Variants in NSMCE1 observed in about 807,000 individuals in gnomAD.
NSMCE1 encodes the protein NSE1 component of SMC5/6 complex.
Under a neutral mutation model 29.6 loss-of-function variants are expected in NSMCE1, and 18 were observed. The ratio of observed to expected loss-of-function variants is 0.61; its 90% CI spans 0.42 to 0.90. The LOEUF (loss-of-function observed/expected upper bound fraction) is 0.90. NSMCE1 is among the 40% of genes least tolerant of loss of function. NSMCE1 has a pLI of 0.00. For synonymous variants in NSMCE1, 124 were observed against 133.4 expected, an observed-to-expected ratio of 0.93 and a Z score of 0.49; for missense variants, 314 against 343.6, an observed-to-expected ratio of 0.91 and a Z score of 0.68.
intron 2 of NSMCE1, among the ~76,000 whole-genome samples, chr16:27,240,667 A>C (rs1192446150): frequency 6.6e-6 from 1 of 152,258 alleles, no homozygotes; most frequent in Non-Finnish European, 1.5e-5. Flanking sequence ...GCAAGTGACA[A>C]GCACTGAACA....
intron 1 of NSMCE1, among the ~76,000 whole-genome samples, chr16:27,265,337 T>A (rs1291735469): frequency 6.6e-6 from 1 of 151,762 alleles, no homozygotes; most frequent in Non-Finnish European, 1.5e-5. Context: ...CCCGGCTAAT[T>A]TCTGTATTTT....
chr16:27,265,558 T>C (rs562578129), intron 1 of NSMCE1, among the ~76,000 whole-genome samples: 2 of 152,196 alleles, frequency 1.3e-5, no homozygotes, highest in Non-Finnish European at 2.9e-5. Flanking sequence ...GTATATACCT[T>C]ACAGAAACTT....
In NSMCE1 at chr16:27,252,813, G is replaced by A. The variant is rs543324202; in HGVS notation, c.136+4622C>T. On this transcript the variant is annotated intron_variant, in intron 2 of 7. Transcript: ENST00000361439. ...TCACGCCTGTAGTCCCAGCTACTCA[G>A]GCGGCTGAGGCAGGAGAATCGCTTG... 2.9e-4 allele frequency among the ~76,000 whole-genome samples: 44 copies of A among 152,304 alleles called. 1 individual carries two copies. The highest frequency in any genetic ancestry group is 1.1e-3 in the African/African-American group (44 of 41,564).
intron 4 of NSMCE1, chr16:27,233,888 C>T (rs957276859): frequency 2.9e-6 from 1 of 349,138 alleles, no homozygotes; most frequent in Non-Finnish European, 5.2e-6. Flanking sequence ...CCAGATGGCA[C>T]TTGGAGCAGC....
chr16:27,233,488 C>T (rs987642781), intron 4 of NSMCE1, among the ~76,000 whole-genome samples: 5 of 152,082 alleles, frequency 3.3e-5, no homozygotes, highest in African/African-American at 9.7e-5. Flanking sequence ...CCTGCACACG[C>T]AGGTGTGTGC....
intron 7 of NSMCE1, among the ~76,000 whole-genome samples, 187 bp from the exon 8 acceptor site, chr16:27,225,423 G>A (rs1252975450): frequency 6.6e-6 from 1 of 152,230 alleles, no homozygotes; most frequent in Non-Finnish European, 1.5e-5. Context: ...GGAACAAACT[G>A]AGGGAGCTGT....
At position 27,225,050 on chromosome 16, in the gene NSMCE1, G is replaced by GA; in HGVS notation, c.*106dup. On this transcript the variant is annotated 3_prime_UTR_variant, in exon 8 of 8. Coordinates refer to ENST00000361439, the MANE Select transcript of NSMCE1 (RefSeq NM_145080.4). ...AGCTGTGGACGGTGAACATTAAGAC[G>GA]AAAGAGGTGACTCGCGTGGAACCTG... 2 of 684,014 alleles carry GA rather than the reference G, an allele frequency of 2.9e-6. No homozygotes were observed. The highest frequency in any genetic ancestry group is 5.3e-6 in the Non-Finnish European group (2 of 378,942). 42.4% of individuals were successfully genotyped at this position (684,014 alleles called of 1,614,324 possible).
At chr16:27,267,395 C>A (rs887589756) in intron 1 of NSMCE1, among the ~76,000 whole-genome samples, 1 of 152,058 alleles carries the variant, frequency 6.6e-6, no homozygotes, top group African/African-American at 2.4e-5. Flanking sequence ...GGTCACTGAC[C>A]CCATCTTACA....
chr16:27,244,303 G>A (rs1206363090), intron 2 of NSMCE1, among the ~76,000 whole-genome samples: 1 of 152,230 alleles, frequency 6.6e-6, no homozygotes, highest in African/African-American at 2.4e-5. Flanking sequence ...TATGAAGGCG[G>A]CTGACTGCAG....
In NSMCE1 at chr16:27,257,458, G is replaced by C. The variant is rs7195194; in HGVS notation, c.113C>G (p.Thr38Arg). ...ACGGTCATGGACCTTGTAGCAGTGC[G>C]TCTGCAAGCGCTTCACGTCCCATTC... ...LEEWDVKRLQ[T>R]HCYKVHDRNA... The change falls in exon 2 of 8, where the codon ACG (threonine) becomes AGG (arginine). Residue 38 changes from threonine (T) to arginine (R), a missense_variant. Thr to Arg is a moderately conservative substitution (Grantham distance 71, BLOSUM62 -1). Transcript: ENST00000361439. 39,486 of 1,613,090 alleles carry C rather than the reference G, an allele frequency of 0.024. 2,898 individuals are homozygous for C. The African/African-American group carries it at 0.27, about 11-fold the overall frequency.
intron 1 of NSMCE1, chr16:27,266,671 G>A (rs1351805575): frequency 6.6e-6 from 1 of 151,904 alleles, no homozygotes; most frequent in African/African-American, 2.4e-5. Context: ...CAGTTTATTG[G>A]CTTTAAATGT....
At chr16:27,254,432 A>C (rs557183375) in intron 2 of NSMCE1, among the ~76,000 whole-genome samples, 15 of 152,234 alleles carry the variant, frequency 9.9e-5, no homozygotes, top group Non-Finnish European at 2.2e-4. Flanking sequence ...AGGCAAAAAC[A>C]CTTTCAGTCT....
At chr16:27,225,923 G>A in intron 6 of NSMCE1, 77 bp from the exon 7 acceptor site, 1 of 1,564,238 alleles carries the variant, frequency 6.4e-7, no homozygotes, top group Admixed American at 1.7e-5. Flanking sequence ...AAGCCACAAG[G>A]GAAATGGGCA....
chr16:27,235,163 C>T lies in NSMCE1; in HGVS notation c.258+15G>A. 6.2e-7 allele frequency: 1 copy of T among 1,612,040 alleles called. No individual in the cohort carries two copies. The highest frequency in any genetic ancestry group is 8.5e-7 in the Non-Finnish European group (1 of 1,179,584). On this transcript the variant is annotated intron_variant, in intron 3 of 7. Coordinates refer to ENST00000361439, the MANE Select transcript of NSMCE1 (RefSeq NM_145080.4). ...TCCTCAAAAATGCCACTAGAGGGCT[C>T]TGCCGGGCACTCACCAACGCATAAA...
At chr16:27,254,378 G>A (rs952170512) in intron 2 of NSMCE1, among the ~76,000 whole-genome samples, 1 of 152,086 alleles carries the variant, frequency 6.6e-6, no homozygotes, top group African/African-American at 2.4e-5. Context: ...ACATTCTACA[G>A]GACTTTCCTA....
At chr16:27,243,932 T>C (rs759229251) in intron 2 of NSMCE1, among the ~76,000 whole-genome samples, 3 of 152,264 alleles carry the variant, frequency 2.0e-5, no homozygotes, top group Non-Finnish European at 4.4e-5. Flanking sequence ...ACTACAGGCA[T>C]GTACCACCAT....
intron 3 of NSMCE1, among the ~76,000 whole-genome samples, 157 bp downstream of exon 3, chr16:27,235,021 C>A (rs1311396681): frequency 2.6e-5 from 4 of 152,232 alleles, no homozygotes; most frequent in African/African-American, 9.6e-5. Context: ...AAATAAAAAA[C>A]CATTTTCTCC....
At chr16:27,237,801 C>T (rs554828174) in intron 2 of NSMCE1, among the ~76,000 whole-genome samples, 1 of 152,316 alleles carries the variant, frequency 6.6e-6, no homozygotes, top group South Asian at 2.1e-4. Flanking sequence ...CCCCTCTCCA[C>T]ACCACCTCTG....
At chr16:27,234,118 T>C in intron 4 of NSMCE1, 70 bp downstream of exon 4, 1 of 1,008,944 alleles carries the variant, frequency 9.9e-7, no homozygotes, top group South Asian at 1.3e-5. Flanking sequence ...CAGTTGCCAC[T>C]GCTAATGACG....
Sources: allele counts gnomAD v4.1 joint callset (sites outside exome capture counted in the v4.1 genomes callset), GRCh38; gene constraint gnomAD v4.1.1; transcripts MANE v1.5; gene names NCBI Gene and HGNC (gene_info 2026-07-23, HGNC 2026-07-21).